Variants in PPARGC1A observed in about 807,000 individuals in gnomAD.
PPARGC1A encodes the protein peroxisome proliferator-activated receptor gamma coactivator 1-alpha.
A neutral mutation model predicts 88.7 loss-of-function variants in PPARGC1A; 25 were observed. The ratio of observed to expected loss-of-function variants is 0.28; its 90% CI spans 0.21 to 0.39. The LOEUF is 0.39. Among genes scored for constraint, PPARGC1A ranks in the 10% least tolerant of loss-of-function variants. The pLI, the probability that PPARGC1A is intolerant of heterozygous loss-of-function variation, is 1.00. For synonymous variants in PPARGC1A, 363 were observed against 355.6 expected (o/e 1.02, Z -0.24); for missense variants, 880 against 968.7 (o/e 0.91, Z 1.22).
chr4:23,955,395 CAAAAT>C, the PPARGC1A span, among the ~76,000 whole-genome samples: 1 of 150,648 alleles, frequency 6.6e-6, no homozygotes, highest in South Asian at 2.1e-4. Flanking sequence ...ATAAAAATAT[CAAAAT>C]AAATTACTCC....
chr4:24,009,713 A>G, the PPARGC1A span, among the ~76,000 whole-genome samples: 1 of 152,208 alleles, frequency 6.6e-6, no homozygotes, highest in Admixed American at 6.5e-5. Flanking sequence ...TTCAGAACAC[A>G]ACAACATTGG....
chr4:24,460,111 C>T, the PPARGC1A span, among the ~76,000 whole-genome samples: 1 of 152,168 alleles, frequency 6.6e-6, no homozygotes, highest in African/African-American at 2.4e-5. Flanking sequence ...GGTCACTTGA[C>T]AGAATTGGTT....
At chr4:24,286,427 T>C in the PPARGC1A span, among the ~76,000 whole-genome samples, 3 of 152,214 alleles carry the variant, frequency 2.0e-5, no homozygotes, top group Non-Finnish European at 4.4e-5. Flanking sequence ...GTCTTAATCA[T>C]GACCACAAAG....
intron 7 of PPARGC1A, 29 bp from the exon 8 acceptor site, chr4:23,814,634 A>AG: frequency 6.9e-7 from 1 of 1,439,874 alleles, no homozygotes; most frequent in South Asian, 1.4e-5. Context: ...AAAAAAAAAA[A>AG]AAGAGAGAGA....
the PPARGC1A span, among the ~76,000 whole-genome samples, chr4:24,100,761 T>C: frequency 2.6e-5 from 4 of 152,156 alleles, no homozygotes; most frequent in Admixed American, 1.3e-4. Flanking sequence ...CAAAAAAATA[T>C]ATAATTTACA....
At chr4:24,077,415 TG>T in the PPARGC1A span, among the ~76,000 whole-genome samples, 1 of 152,108 alleles carries the variant, frequency 6.6e-6, no homozygotes, top group Middle Eastern at 3.2e-3. Context: ...TTTATTCCCA[TG>T]GCAATGGGAG....
chr4:24,065,966 G>A, the PPARGC1A span, among the ~76,000 whole-genome samples: 18 of 152,162 alleles, frequency 1.2e-4, no homozygotes, highest in Admixed American at 2.0e-4. Flanking sequence ...TTGCCTGGGA[G>A]ATACTAAGTT....
At chr4:24,134,597 T>G in the PPARGC1A span, among the ~76,000 whole-genome samples, 1 of 152,266 alleles carries the variant, frequency 6.6e-6, no homozygotes, top group Non-Finnish European at 1.5e-5. Flanking sequence ...AAATGTACTT[T>G]GTATAAATTA....
At chr4:24,260,238 G>C in the PPARGC1A span, among the ~76,000 whole-genome samples, 1 of 152,322 alleles carries the variant, frequency 6.6e-6, no homozygotes, top group Non-Finnish European at 1.5e-5. Flanking sequence ...GTCTGTCTAC[G>C]TCTACAAGCA....
the PPARGC1A span, among the ~76,000 whole-genome samples, chr4:23,974,287 G>T: frequency 2.6e-5 from 4 of 152,134 alleles, no homozygotes; most frequent in Non-Finnish European, 5.9e-5. Flanking sequence ...ATCTGCTATG[G>T]ATCCAAAATA....
chr4:23,833,859 T>C (rs1317510038), intron 2 of PPARGC1A, among the ~76,000 whole-genome samples: 2 of 152,176 alleles, frequency 1.3e-5, no homozygotes, highest in Admixed American at 6.5e-5. Flanking sequence ...ATGGTGTGTC[T>C]GAAGTTTAAA....
chr4:24,222,525 C>T, the PPARGC1A span, among the ~76,000 whole-genome samples: 1 of 152,118 alleles, frequency 6.6e-6, no homozygotes, highest in African/African-American at 2.4e-5. Context: ...TGTCTGTTGC[C>T]ATTGTTATAA....
chr4:23,989,333 T>C, the PPARGC1A span, among the ~76,000 whole-genome samples: 2 of 151,982 alleles, frequency 1.3e-5, no homozygotes, highest in South Asian at 2.1e-4. Flanking sequence ...TTTAAATGTA[T>C]GCTTTGTCTT....
the PPARGC1A span, among the ~76,000 whole-genome samples, chr4:24,178,790 C>T: frequency 1.3e-5 from 2 of 152,114 alleles, no homozygotes; most frequent in Middle Eastern, 3.2e-3. Context: ...CAACAAAGGG[C>T]CCTTTGTTAG....
the PPARGC1A span, among the ~76,000 whole-genome samples, chr4:24,276,379 G>C: frequency 6.6e-6 from 1 of 152,124 alleles, no homozygotes; most frequent in African/African-American, 2.4e-5. Context: ...CCTCACACTG[G>C]TGACTTCCAT....
At chr4:24,323,543 C>A in the PPARGC1A span, among the ~76,000 whole-genome samples, 1 of 152,132 alleles carries the variant, frequency 6.6e-6, no homozygotes, top group Admixed American at 6.5e-5. Context: ...AGAGAACAAC[C>A]CCCTTTGACT....
chr4:24,225,069 A>G, the PPARGC1A span, among the ~76,000 whole-genome samples: 3 of 152,174 alleles, frequency 2.0e-5, no homozygotes, highest in Non-Finnish European at 4.4e-5. Context: ...CAATTTGAAG[A>G]TCACGACTTT....
chr4:24,186,817 A>C, the PPARGC1A span, among the ~76,000 whole-genome samples: 19 of 152,144 alleles, frequency 1.2e-4, no homozygotes, highest in Non-Finnish European at 2.6e-4. Flanking sequence ...CTGCAAAAAA[A>C]AAATGAAAAT....
chr4:23,959,865 C>T, the PPARGC1A span, among the ~76,000 whole-genome samples: 3 of 152,126 alleles, frequency 2.0e-5, no homozygotes, highest in South Asian at 2.1e-4. Context: ...TATCAGTAAG[C>T]GCACCAGGCC....
Sources: allele counts gnomAD v4.1 joint callset (sites outside exome capture counted in the v4.1 genomes callset), GRCh38; gene constraint gnomAD v4.1.1; transcripts MANE v1.5; gene names NCBI Gene and HGNC (gene_info 2026-07-23, HGNC 2026-07-21).